Variants in LAMA1 observed in about 807,000 individuals in gnomAD.
LAMA1 encodes laminin subunit alpha-1.
In LAMA1, 219 loss-of-function variants were observed where a neutral mutation model predicts 348.7. That is an observed-to-expected ratio of 0.63 (90% CI 0.56 to 0.70). The LOEUF (loss-of-function observed/expected upper bound fraction) is 0.70, where lower values mean the gene tolerates loss of function less well. Among genes scored for constraint, LAMA1 ranks in the 30% least tolerant of loss-of-function variants. The pLI is 0.00. For missense variants in LAMA1, 3,744 were observed against 3,888.0 expected, an observed-to-expected ratio of 0.96 and a Z score of 0.99; for synonymous variants, 1,487 against 1,491.0, an observed-to-expected ratio of 1.00 and a Z score of 0.06.
Position 6,985,408 on chromosome 18 carries a change from G to A in LAMA1, c.5497-8C>T, listed in dbSNP as rs1355530149. The A allele has an allele frequency of 3.7e-6, 6 of 1,614,126 alleles. No homozygotes were observed. The highest frequency in any genetic ancestry group is 5.1e-6 in the Non-Finnish European group (6 of 1,179,970). On this transcript the variant is annotated splice_polypyrimidine_tract_variant and splice_region_variant and intron_variant, in intron 38 of 62. Transcript: ENST00000389658. Reference sequence around the variant, plus strand: ...CTGGTGATCCTCTAAGTGCTACATGGAGAAATTAATATTGTAAATATATGC... The same window carrying A: ...CTGGTGATCCTCTAAGTGCTACATGAAGAAATTAATATTGTAAATATATGC...
At chr18:6,962,109 C>A in intron 51 of LAMA1, 50 bp from the exon 52 acceptor site, 1 of 1,336,296 alleles carries the variant, frequency 7.5e-7, no homozygotes, top group Non-Finnish European at 1.1e-6. Context: ...TTTTAAATTC[C>A]ATTTTTGAAA....
At chr18:7,018,690 G>T (rs148914421) in intron 19 of LAMA1, among the ~76,000 whole-genome samples, 1 of 152,046 alleles carries the variant, frequency 6.6e-6, no homozygotes, top group African/African-American at 2.4e-5. Flanking sequence ...CCACCGCGCC[G>T]GGCCCCCAGG....
intron 8 of LAMA1, 118 bp downstream of exon 8, chr18:7,043,109 A>G: frequency 2.1e-6 from 2 of 959,970 alleles, no homozygotes; most frequent in South Asian, 2.7e-5. Context: ...TACTGGCATA[A>G]CAAGGATATA....
chr18:6,975,984 T>A lies in LAMA1; in HGVS notation c.6442A>T (p.Thr2148Ser), dbSNP rs745858309. The A allele has an allele frequency of 5.6e-6, 9 of 1,613,932 alleles. No individual in the cohort carries two copies. The East Asian group carries it at 2.0e-4, about 36-fold the overall frequency. ...NYNTLTLNVKTQEPDNLLFYL... is the reference protein window; with the variant it reads ...NYNTLTLNVKSQEPDNLLFYL... ...AAGAGAAGATTATCGGGTTCCTGTG[T>A]CTTAACATTTAGTGTTAAGGTATTG... Residue 2148 changes from threonine (T) to serine (S), a missense_variant, in exon 45 of 63, where the codon ACA (threonine) becomes TCA (serine). Physicochemically the swap from Thr to Ser is moderately conservative, Grantham distance 58. This residue lies in a region of LAMA1 where 1,983 missense variants were observed against 1,934.3 expected (regional missense o/e 1.03). Transcript: ENST00000389658.
chr18:7,115,001 C>A (rs1398522448), intron 1 of LAMA1, among the ~76,000 whole-genome samples: 1 of 152,064 alleles, frequency 6.6e-6, no homozygotes, highest in African/African-American at 2.4e-5. Context: ...TATTTAATGT[C>A]TGGAAAAGAA....
In LAMA1 at chr18:6,942,041, T is replaced by G. The variant is rs765461943; in HGVS notation, c.*38A>C. 1 of 1,611,804 alleles carries G rather than the reference T, an allele frequency of 6.2e-7. No homozygotes were observed. The highest frequency in any genetic ancestry group is 2.2e-5 in the East Asian group (1 of 44,856). ...TTCACACATACACTTCTCCTCAAAA[T>G]ATTAGCAATGATTCCAACTGAGGAT... On this transcript the variant is annotated 3_prime_UTR_variant, in exon 63 of 63. Transcript: ENST00000389658.
chr18:7,034,772 C>A, intron 13 of LAMA1, 82 bp from the exon 14 acceptor site: 1 of 1,367,752 alleles, frequency 7.3e-7, no homozygotes, highest in Non-Finnish European at 1.0e-6. Flanking sequence ...TTGTATTCAG[C>A]AACGTGGTTT....
intron 15 of LAMA1, 105 bp downstream of exon 15, chr18:7,032,879 C>A: frequency 2.4e-6 from 2 of 832,428 alleles, no homozygotes; most frequent in South Asian, 2.9e-5. Flanking sequence ...AAACATTGGG[C>A]TGCTAAAGCT....
rs543355 is a variant in LAMA1, at chr18:6,958,610, T to G, written c.7831A>C (p.Thr2611Pro). ...ENNPVEMKLG[T>P]LVESRTINVS... is the part of the protein sequence containing the mutation. ...TTTATCGTCCTGCTTTCTACTAATG[T>G]GCCCAACTTCATTTCCACAGGATTG... The change falls in exon 55 of 63, where the codon ACA (threonine) becomes CCA (proline). Residue 2611 changes from threonine to proline, a missense_variant. Physicochemically the swap from Thr to Pro is conservative, Grantham distance 38. This residue lies in a region of LAMA1 where 1,983 missense variants were observed against 1,934.3 expected (regional missense o/e 1.03). Coordinates refer to ENST00000389658, the MANE Select transcript of LAMA1 (RefSeq NM_005559.4). 1.4e-3 allele frequency: 2,317 copies of G among 1,614,130 alleles called. 30 individuals carry two copies. The African/African-American group carries it at 0.027, about 19-fold the overall frequency.
intron 8 of LAMA1, 74 bp from the exon 9 acceptor site, chr18:7,042,324 G>A: frequency 1.1e-6 from 1 of 901,908 alleles, no homozygotes; most frequent in Admixed American, 2.0e-5. Flanking sequence ...AAATAAGAAG[G>A]TATTGGCTTT....
rs2057776779 is a variant in LAMA1 at position 6,995,380 on chromosome 18, C to G, written c.4873G>C (p.Glu1625Gln). ...ACCTTCTTTTGCAGGTTGTCCGTTTCTTCTGCAACACCTTCAAGCTTAATT... is the reference window on the plus strand; with the variant it reads ...ACCTTCTTTTGCAGGTTGTCCGTTTGTTCTGCAACACCTTCAAGCTTAATT... ...GKIKLEGVAE[E>Q]TDNLQKKLTR... Residue 1625 changes from glutamate (E) to glutamine (Q), a missense_variant, in exon 34 of 63, where the codon GAA becomes CAA. Transcript: ENST00000389658. 7 of 1,613,504 alleles carry G rather than the reference C, an allele frequency of 4.3e-6. No homozygotes were observed. Among genetic ancestry groups the G allele is most frequent in the Non-Finnish European group, 5.9e-6 (7 of 1,179,414 alleles).
In LAMA1 at chr18:7,046,395, A is replaced by G. The variant is rs759053242; in HGVS notation, c.769-28T>C. 5.2e-6 allele frequency: 7 copies of G among 1,340,144 alleles called. No homozygotes were observed. The East Asian group carries it at 1.6e-4, about 31-fold the overall frequency. 83.0% of individuals were successfully genotyped at this position (1,340,144 alleles called of 1,614,324 possible). On this transcript the variant is annotated intron_variant, in intron 5 of 62. Transcript: ENST00000389658. ...AAGGAAAAAGAAAGTTATGAACAAAAATTAAAACCTAGATTTCAGTGAAAT... is the reference window on the plus strand; with the variant it reads ...AAGGAAAAAGAAAGTTATGAACAAAGATTAAAACCTAGATTTCAGTGAAAT...
chr18:6,999,742 T>C, intron 31 of LAMA1, 104 bp from the exon 32 acceptor site: 1 of 1,236,834 alleles, frequency 8.1e-7, no homozygotes, highest in Non-Finnish European at 1.2e-6. Context: ...CACAGATCCA[T>C]TCACCTTGGG....
At position 7,040,057 on chromosome 18, in the gene LAMA1, C is replaced by G. The variant is rs374613501; in HGVS notation, c.1422+19G>C. The G allele has an allele frequency of 1.2e-6, 2 of 1,613,522 alleles. No individual in the cohort carries two copies. The highest frequency in any genetic ancestry group is 4.5e-5 in the East Asian group (2 of 44,862). ...AAGCTCAAAGGAAGCTCAGGGGTGT[C>G]TCTGACCTCCCCACTTACCTTACAA... is the stretch of plus-strand genomic sequence containing the variant. On this transcript the variant is annotated intron_variant, in intron 10 of 62. Transcript: ENST00000389658.
chr18:7,072,858 T>C (rs2058151493), intron 3 of LAMA1, among the ~76,000 whole-genome samples: 1 of 152,132 alleles, frequency 6.6e-6, no homozygotes, highest in South Asian at 2.1e-4. Context: ...GCGACACTAG[T>C]GGGAGGCTGG....
intron 29 of LAMA1, among the ~76,000 whole-genome samples, chr18:7,006,460 C>T (rs1257320701): frequency 2.6e-5 from 4 of 152,288 alleles, no homozygotes; most frequent in African/African-American, 9.6e-5. Context: ...AAAATTCCCA[C>T]GTGAGCCCCC....
At chr18:7,045,189 T>C (rs548659123) in intron 6 of LAMA1, among the ~76,000 whole-genome samples, 1 of 152,304 alleles carries the variant, frequency 6.6e-6, no homozygotes, top group East Asian at 1.9e-4. Context: ...AATAGTCCTA[T>C]TCAAGAGGTA....
intron 1 of LAMA1, among the ~76,000 whole-genome samples, chr18:7,098,860 C>A (rs1416211414): frequency 9.8e-5 from 13 of 133,042 alleles, no homozygotes; most frequent in Non-Finnish European, 1.5e-4. Flanking sequence ...GTCAGCCCCC[C>A]GCCCGGCCAG....
intron 8 of LAMA1, chr18:7,042,506 C>A: frequency 2.4e-6 from 1 of 412,888 alleles, no homozygotes; most frequent in South Asian, 2.2e-5. Context: ...TCCAGCCCCC[C>A]TCGCGCTGCT....
Sources: allele counts gnomAD v4.1 joint callset (sites outside exome capture counted in the v4.1 genomes callset), GRCh38; gene constraint gnomAD v4.1.1; regional missense constraint gnomAD v4.1.1; transcripts MANE v1.5; gene names NCBI Gene and HGNC (gene_info 2026-07-23, HGNC 2026-07-21).